Variants in BMP2K observed in about 807,000 individuals in gnomAD.
The protein encoded by BMP2K is BMP-2-inducible protein kinase.
BMP2K carries 74 observed loss-of-function variants against 116.0 expected under a neutral mutation model. The ratio of observed to expected loss-of-function variants is 0.64; its 90% CI spans 0.53 to 0.77. BMP2K has a LOEUF of 0.77. Ranked by LOEUF, BMP2K falls within the 30% of genes least tolerant of loss-of-function variation. BMP2K has a pLI of 0.00. For missense variants in BMP2K, 1,365 were observed against 1,403.6 expected, an observed-to-expected ratio of 0.97 and a Z score of 0.44; for synonymous variants, 486 against 502.5, an observed-to-expected ratio of 0.97 and a Z score of 0.44.
chr4:78,873,658 C>CTGTGTGTGTGTGTG (rs377226626), intron 13 of BMP2K, among the ~76,000 whole-genome samples: 34 of 139,534 alleles, frequency 2.4e-4, no homozygotes, highest in Non-Finnish European at 4.1e-4. Context: ...CTCCCAACCT[C>CTGTGTGTGTGTGTG]TGTGTGTGTG....
rs146196803 is a variant in BMP2K at position 78,871,906 on chromosome 4, G to A, written c.1566G>A (p.Ser522=). ...QMLQQQFLMH[S]VYQPQPSASQ... ...TTCAACAACAATTTTTAATGCATTC[G>A]GTATATCAACCACAACCTTCTGCAT... The change falls in exon 12 of 16, where the codon TCG becomes TCA. Residue 522 remains serine, a synonymous_variant. Coordinates refer to ENST00000502613, the MANE Select transcript of BMP2K (RefSeq NM_198892.2). The A allele has an allele frequency of 5.6e-6, 9 of 1,612,146 alleles. No individual in the cohort carries two copies. The South Asian group carries it at 6.6e-5, about 12-fold the overall frequency.
Position 78,870,957 on chromosome 4 carries a change from A to G in BMP2K, c.1406A>G (p.Gln469Arg). Residue 469 changes from glutamine to arginine, a missense_variant, in exon 11 of 16, where the codon CAG (glutamine) becomes CGG (arginine). Around this residue, in one of 3 missense-constraint regions of BMP2K, gnomAD observed 762 missense variants for 756.7 expected, o/e 1.01. Coordinates refer to ENST00000502613, the MANE Select transcript of BMP2K (RefSeq NM_198892.2). ...CAGCAGCAGCAGCAGCAGCAGCAACAGCAACAGCAGCAGCAGCAACAGCAA... is the reference window on the plus strand; with the variant it reads ...CAGCAGCAGCAGCAGCAGCAGCAACGGCAACAGCAGCAGCAGCAACAGCAA... ...HQQQQQQQQQ[Q>R]QQQQQQQQQQ... 6.2e-7 allele frequency: 1 copy of G among 1,611,774 alleles called. No homozygotes were observed.
intron 6 of BMP2K, among the ~76,000 whole-genome samples, chr4:78,849,587 A>C (rs1046908458): frequency 6.6e-6 from 1 of 151,618 alleles, no homozygotes. Flanking sequence ...ACATTATACC[A>C]TTAATAGCAT....
rs1421608557 is a variant in BMP2K at position 78,914,554 on chromosome 4, G to T, written c.*2521G>T. ...GTCACTCCACACAGCTGATGCTCAG[G>T]TTATTCCCTTGTGAGAATTATGAGA... On this transcript the variant is annotated 3_prime_UTR_variant, in exon 16 of 16. Coordinates refer to ENST00000502613, the MANE Select transcript of BMP2K (RefSeq NM_198892.2). 6.6e-6 allele frequency: 1 copy of T among 151,544 alleles called. No homozygotes were observed. The highest frequency in any genetic ancestry group is 1.9e-4 in the East Asian group (1 of 5,164). The allele number at this position is 151,544 out of a possible 1,614,324, so 9.4% of individuals were successfully genotyped here. A position where few individuals can be genotyped will look rare whatever the true frequency, so the allele number is the denominator to read the frequency against.
chr4:78,887,112 T>C, intron 14 of BMP2K, 62 bp from the exon 15 acceptor site: 1 of 1,218,822 alleles, frequency 8.2e-7, no homozygotes, highest in Non-Finnish European at 1.2e-6. Flanking sequence ...ATATCACTTT[T>C]TAATTTAAAG....
chr4:78,904,545 A>G (rs1734191854), intron 15 of BMP2K, among the ~76,000 whole-genome samples: 1 of 151,924 alleles, frequency 6.6e-6, no homozygotes, highest in Non-Finnish European at 1.5e-5. Flanking sequence ...TTCTTAATAA[A>G]TTACCCAGAT....
At chr4:78,841,429 G>A (rs929768147) in intron 3 of BMP2K, among the ~76,000 whole-genome samples, 2 of 152,058 alleles carry the variant, frequency 1.3e-5, no homozygotes, top group Non-Finnish European at 2.9e-5. Context: ...TTTCTATACT[G>A]TAATATATAA....
At chr4:78,779,734 G>C (rs1251369516) in intron 1 of BMP2K, among the ~76,000 whole-genome samples, 2 of 152,194 alleles carry the variant, frequency 1.3e-5, no homozygotes, top group Non-Finnish European at 2.9e-5. Flanking sequence ...TTGAAAAGCA[G>C]ATTCTCAGGG....
At chr4:78,869,726 GA>G (rs1732239321) in intron 10 of BMP2K, among the ~76,000 whole-genome samples, 1 of 152,156 alleles carries the variant, frequency 6.6e-6, no homozygotes, top group Admixed American at 6.5e-5. Flanking sequence ...CAACTGGAAA[GA>G]AATACACTTA....
At position 78,861,396 on chromosome 4, in the gene BMP2K, C is replaced by A. The variant is rs930544200; in HGVS notation, c.995C>A (p.Ser332Tyr). Residue 332 changes from serine (S) to tyrosine (Y), a missense_variant, in exon 9 of 16, where the codon TCT becomes TAT. Ser to Tyr is a moderately radical substitution (Grantham distance 144). Around this residue, in one of 3 missense-constraint regions of BMP2K, gnomAD observed 762 missense variants for 756.7 expected, o/e 1.01. Transcript: ENST00000502613. ...TATTTTTTTTCTTCCAAGAATTCTT[C>A]TATTCCTTCAGCTCTTCCTGAACCG... ...DCPVSNINNS[S>Y]IPSALPEPMT... 1.3e-6 allele frequency: 2 copies of A among 1,596,334 alleles called. No homozygotes were observed. Among genetic ancestry groups the A allele is most frequent in the African/African-American group, 2.7e-5 (2 of 73,918 alleles).
At chr4:78,800,606 A>C (rs1728519144) in intron 1 of BMP2K, among the ~76,000 whole-genome samples, 1 of 152,234 alleles carries the variant, frequency 6.6e-6, no homozygotes, top group African/African-American at 2.4e-5. Flanking sequence ...GATGTTCCAA[A>C]AAATACATTT....
At chr4:78,894,195 G>C (rs1252362894) in intron 15 of BMP2K, among the ~76,000 whole-genome samples, 1 of 152,196 alleles carries the variant, frequency 6.6e-6, no homozygotes, top group Admixed American at 6.5e-5. Context: ...GTAAGCATTG[G>C]TTTCAACTTA....
intron 8 of BMP2K, among the ~76,000 whole-genome samples, chr4:78,861,164 A>G (rs1405591750): frequency 1.3e-5 from 2 of 151,860 alleles, no homozygotes; most frequent in Admixed American, 1.3e-4. Flanking sequence ...TTATTTTCCA[A>G]GGTTTCTGTG....
At chr4:78,869,303 A>G (rs1161488631) in intron 10 of BMP2K, among the ~76,000 whole-genome samples, 8 of 151,618 alleles carry the variant, frequency 5.3e-5, no homozygotes, top group African/African-American at 1.9e-4. Flanking sequence ...TTTTTAACCT[A>G]TAAGTTACTT....
chr4:78,809,005 T>A (rs922306558), intron 1 of BMP2K, among the ~76,000 whole-genome samples: 3 of 152,214 alleles, frequency 2.0e-5, no homozygotes, highest in African/African-American at 7.2e-5. Flanking sequence ...ATTTTCTTGT[T>A]CATCTTCTGT....
chr4:78,864,029 T>TA (rs1731924856), intron 9 of BMP2K, among the ~76,000 whole-genome samples: 2 of 152,172 alleles, frequency 1.3e-5, no homozygotes, highest in African/African-American at 4.8e-5. Flanking sequence ...GACAGGGTGT[T>TA]ATGCAGTGTT....
intron 1 of BMP2K, among the ~76,000 whole-genome samples, chr4:78,801,587 A>G (rs1215515709): frequency 6.6e-6 from 1 of 152,000 alleles, no homozygotes; most frequent in African/African-American, 2.4e-5. Context: ...GTGCTTTCTC[A>G]TTATAGGTTT....
chr4:78,900,234 G>A (rs1733925033), intron 15 of BMP2K, among the ~76,000 whole-genome samples: 1 of 152,166 alleles, frequency 6.6e-6, no homozygotes, highest in South Asian at 2.1e-4. Flanking sequence ...AGAATACAGT[G>A]TATAATATAA....
chr4:78,838,774 G>A (rs1730616026), intron 3 of BMP2K, among the ~76,000 whole-genome samples: 1 of 152,100 alleles, frequency 6.6e-6, no homozygotes, highest in Non-Finnish European at 1.5e-5. Flanking sequence ...CCCCTTACGT[G>A]GTTTTAGGTA....
Sources: allele counts gnomAD v4.1 joint callset (sites outside exome capture counted in the v4.1 genomes callset), GRCh38; gene constraint gnomAD v4.1.1; regional missense constraint gnomAD v4.1.1; transcripts MANE v1.5; gene names NCBI Gene and HGNC (gene_info 2026-07-23, HGNC 2026-07-21).